The following TENT4B variants were observed in gnomAD, a reference collection of about 807,000 sequenced individuals.
TENT4B encodes PAP associated domain containing 5.
Under a neutral mutation model 75.0 loss-of-function variants are expected in TENT4B, and 10 were observed. The ratio of observed to expected loss-of-function variants is 0.13; its 90% confidence interval spans 0.08 to 0.23. TENT4B has a LOEUF of 0.23. TENT4B is among the 10% of genes least tolerant of loss of function. The probability of loss-of-function intolerance (pLI) is 1.00; values close to 1 mark genes in which losing one functional copy is unlikely to be tolerated. For synonymous variants in TENT4B, 350 were observed against 357.7 expected (o/e 0.98, Z 0.24); for missense variants, 579 against 893.8 (o/e 0.65, Z 4.49).
intron 1 of TENT4B, among the ~76,000 whole-genome samples, chr16:50,195,264 C>G (rs1317429106): frequency 6.6e-6 from 1 of 152,152 alleles, no homozygotes; most frequent in Non-Finnish European, 1.5e-5. Context: ...AAGTTAGATG[C>G]TTTGTCCTGG....
At chr16:50,178,948 G>T (rs1327750737) in intron 1 of TENT4B, among the ~76,000 whole-genome samples, 5 of 152,100 alleles carry the variant, frequency 3.3e-5, no homozygotes, top group Non-Finnish European at 5.9e-5. Context: ...ACCTAAAAAT[G>T]ATTAAAATGG....
At chr16:50,155,471 G>A (rs1303690544) in intron 1 of TENT4B, among the ~76,000 whole-genome samples, 1 of 152,154 alleles carries the variant, frequency 6.6e-6, no homozygotes, top group Admixed American at 6.5e-5. Flanking sequence ...TTGGCTGAGA[G>A]AGAGAGTTCT....
intron 1 of TENT4B, among the ~76,000 whole-genome samples, chr16:50,184,793 A>G (rs895444558): frequency 6.6e-6 from 1 of 152,008 alleles, no homozygotes; most frequent in African/African-American, 2.4e-5. Context: ...GGAGTGTAGT[A>G]GGCTTACTGC....
Position 50,234,388 on chromosome 16 carries a change from T to TA in TENT4B, c.*5061dup. On this transcript the variant is annotated 3_prime_UTR_variant, in exon 12 of 12. Transcript: ENST00000561678. ...TTGGTGAAGTTCAGTACTTGCCTCTTAGAGGTTAGGCCATGCCTTTCAAAG... is the reference window on the plus strand; with the variant it reads ...TTGGTGAAGTTCAGTACTTGCCTCTTAAGAGGTTAGGCCATGCCTTTCAAAG... 1.0e-6 allele frequency: 1 copy of TA among 985,414 alleles called. No homozygotes were observed. The highest frequency in any genetic ancestry group is 5.2e-4 in the Middle Eastern group (1 of 1,914). 61.0% of individuals were successfully genotyped at this position (985,414 alleles called of 1,614,324 possible).
chr16:50,215,071 G>A (rs2031480739), intron 3 of TENT4B, among the ~76,000 whole-genome samples: 1 of 152,204 alleles, frequency 6.6e-6, no homozygotes, highest in South Asian at 2.1e-4. Context: ...TTTCAGGACT[G>A]TTGTTCAGTT....
intron 1 of TENT4B, among the ~76,000 whole-genome samples, chr16:50,181,648 A>G (rs2038419030): frequency 1.3e-5 from 2 of 151,926 alleles, no homozygotes; most frequent in African/African-American, 2.4e-5. Context: ...CCACATTCCT[A>G]CTGATGAACA....
intron 1 of TENT4B, among the ~76,000 whole-genome samples, chr16:50,169,387 G>GTTTTTTTTT (rs552275205): frequency 1.5e-5 from 1 of 65,780 alleles, no homozygotes; most frequent in East Asian, 6.2e-4. Flanking sequence ...GATTTTGTGG[G>GTTTTTTTTT]TTTTTTTTTT....
Position 50,229,671 on chromosome 16 carries a change from G to A in TENT4B, c.*343G>A. ...AGAGTTATAGGGAATAGTATTCAGT[G>A]TTGGTAGGGTGATAGAAACAAAAAA... On this transcript the variant is annotated 3_prime_UTR_variant, in exon 12 of 12. Coordinates refer to ENST00000561678, the MANE Select transcript of TENT4B (RefSeq NM_001365324.3). The A allele has an allele frequency of 9.9e-7, 1 of 1,006,404 alleles. No homozygotes were observed. Among genetic ancestry groups the A allele is most frequent in the Non-Finnish European group, 1.2e-6 (1 of 843,830 alleles). 62.3% of individuals were successfully genotyped at this position (1,006,404 alleles called of 1,614,324 possible).
chr16:50,185,436 G>T (rs2038507448), intron 1 of TENT4B, among the ~76,000 whole-genome samples: 1 of 152,170 alleles, frequency 6.6e-6, no homozygotes, highest in East Asian at 1.9e-4. Flanking sequence ...TGGCATCTTA[G>T]ATCTGTGAGG....
rs1477324598 is a variant in TENT4B at position 50,171,420 on chromosome 16, G to A, written c.638+17161G>A. Reference sequence around the variant, plus strand: ...AACTCTGGCTGTGGTGGGGAAAGTGGATTAGTGGAGAATGGAAGCTGGGAA... The same window carrying A: ...AACTCTGGCTGTGGTGGGGAAAGTGAATTAGTGGAGAATGGAAGCTGGGAA... On this transcript the variant is annotated intron_variant, in intron 1 of 11. Transcript: ENST00000561678. Among the ~76,000 whole-genome samples the A allele has an allele frequency of 8.5e-5, 13 of 152,146 alleles. No individual in the cohort carries two copies. The South Asian group carries it at 2.5e-3, about 29-fold the overall frequency.
intron 1 of TENT4B, among the ~76,000 whole-genome samples, chr16:50,167,143 GC>G (rs2038116546): frequency 1.3e-5 from 2 of 152,048 alleles, no homozygotes; most frequent in African/African-American, 4.8e-5. Flanking sequence ...ACTTCCCTGG[GC>G]CACATTAGAA....
In TENT4B at chr16:50,223,315, G is replaced by T; in HGVS notation, c.1309G>T (p.Asp437Tyr). 1 of 1,613,890 alleles carries T rather than the reference G, an allele frequency of 6.2e-7. No individual in the cohort carries two copies. Among genetic ancestry groups the T allele is most frequent in the Non-Finnish European group, 8.5e-7 (1 of 1,179,844 alleles). The change falls in exon 7 of 12, where the codon GAT becomes TAT. Residue 437 changes from aspartate to tyrosine, a missense_variant. Asp to Tyr is a radical substitution (Grantham distance 160). Transcript: ENST00000561678. ...IKDGGSYVAK[D>Y]EVQKNMLDGY... ...GGATGGTGGTTCATATGTGGCCAAA[G>T]ATGAAGTACAGAAAAATATGCTAGA...
chr16:50,163,519 C>T lies in TENT4B; in HGVS notation c.638+9260C>T, dbSNP rs189511024. Among the ~76,000 whole-genome samples the T allele has an allele frequency of 2.5e-4, 37 of 150,484 alleles. 1 individual carries two copies. The East Asian group carries it at 2.6e-3, about 11-fold the overall frequency. On this transcript the variant is annotated intron_variant, in intron 1 of 11. Coordinates refer to ENST00000561678, the MANE Select transcript of TENT4B (RefSeq NM_001365324.3). ...GGTTCACGCCATTCTCCTGCCTCAT[C>T]CTCCCGAGTAGCTGGGACTACAGGC...
chr16:50,174,906 C>T (rs945959126), intron 1 of TENT4B, among the ~76,000 whole-genome samples: 1 of 151,984 alleles, frequency 6.6e-6, no homozygotes, highest in African/African-American at 2.4e-5. Context: ...CCACACCCGA[C>T]TAATTTTTAT....
At chr16:50,223,866 CTTTGTGCT>C (rs1314370871) in intron 7 of TENT4B, among the ~76,000 whole-genome samples, 1 of 152,170 alleles carries the variant, frequency 6.6e-6, no homozygotes, top group Non-Finnish European at 1.5e-5. Flanking sequence ...TTGCATGTCT[CTTTGTGCT>C]TTTTCCAGCT....
intron 1 of TENT4B, among the ~76,000 whole-genome samples, chr16:50,200,846 G>A (rs932728176): frequency 1.3e-5 from 2 of 151,718 alleles, no homozygotes; most frequent in African/African-American, 4.8e-5. Flanking sequence ...CCAGGCTAGA[G>A]TGCAGTGGCA....
chr16:50,217,521 A>T, intron 4 of TENT4B, 35 bp from the exon 5 acceptor site: 3 of 1,167,628 alleles, frequency 2.6e-6, no homozygotes, highest in Non-Finnish European at 3.6e-6. Context: ...TAATCTGGTT[A>T]AAGCATTTAC....
chr16:50,171,015 C>A (rs1430869090), intron 1 of TENT4B, among the ~76,000 whole-genome samples: 1 of 151,624 alleles, frequency 6.6e-6, no homozygotes, highest in Non-Finnish European at 1.5e-5. Context: ...TGGGCTATTC[C>A]CAAACTCCAG....
chr16:50,204,549 A>T (rs1388746919), intron 1 of TENT4B, among the ~76,000 whole-genome samples: 1 of 152,100 alleles, frequency 6.6e-6, no homozygotes, highest in East Asian at 1.9e-4. Context: ...AGGAGGCTGG[A>T]TGTGTGCATG....
Sources: gnomAD v4.1 joint callset for allele counts (sites outside exome capture counted in the v4.1 genomes callset) on GRCh38, gnomAD v4.1.1 for gene constraint, MANE v1.5 for transcripts, NCBI Gene and HGNC (gene_info 2026-07-23, HGNC 2026-07-21) for gene names.